Variants in AGK observed in about 807,000 individuals in gnomAD.
AGK encodes acylglycerol kinase, mitochondrial.
Under a neutral mutation model 66.4 loss-of-function variants are expected in AGK, and 52 were observed. That is an observed-to-expected ratio of 0.78 (90% confidence interval 0.63 to 0.99). The LOEUF (loss-of-function observed/expected upper bound fraction) is 0.99. Ranked by LOEUF, AGK falls within the 50% of genes least tolerant of loss-of-function variation. The pLI is 0.00. For synonymous variants in AGK, 182 were observed against 181.1 expected (o/e 1.00, Z -0.04); for missense variants, 451 against 506.6 (o/e 0.89, Z 1.05).
intron 11 of AGK, 106 bp downstream of exon 11, chr7:141,637,123 C>A: frequency 2.4e-6 from 2 of 829,328 alleles, no homozygotes; most frequent in East Asian, 2.6e-5. Flanking sequence ...ATGAATGTGG[C>A]ATGCTTCAAC....
intron 2 of AGK, among the ~76,000 whole-genome samples, chr7:141,557,269 G>A (rs1033292108): frequency 2.0e-5 from 3 of 152,176 alleles, no homozygotes; most frequent in Non-Finnish European, 4.4e-5. Flanking sequence ...CTTTCTAAGT[G>A]TTGTCAAGGC....
In AGK at chr7:141,653,062, C is replaced by T. The variant is rs1797604156; in HGVS notation, c.*138C>T. 1 of 954,684 alleles carries T rather than the reference C, an allele frequency of 1.0e-6. No individual in the cohort carries two copies. Among genetic ancestry groups the T allele is most frequent in the African/African-American group, 1.6e-5 (1 of 60,982 alleles). The allele number at this position is 954,684 out of a possible 1,614,324, so 59.1% of individuals were successfully genotyped here. A position where few individuals can be genotyped will look rare whatever the true frequency, so the allele number is the denominator to read the frequency against. On this transcript the variant is annotated 3_prime_UTR_variant, in exon 16 of 16. Coordinates refer to ENST00000649286, the MANE Select transcript of AGK (RefSeq NM_018238.4). ...CATGGCAAGTACCCCTCTGCCCCCACTCCAGCAGTGCTTCCCAAAGTGTGC... is the reference window on the plus strand; with the variant it reads ...CATGGCAAGTACCCCTCTGCCCCCATTCCAGCAGTGCTTCCCAAAGTGTGC...
intron 9 of AGK, among the ~76,000 whole-genome samples, chr7:141,630,971 C>T (rs1358546335): frequency 6.6e-6 from 1 of 152,108 alleles, no homozygotes; most frequent in Non-Finnish European, 1.5e-5. Context: ...ACTCCCAGCA[C>T]CATGCTTGGC....
At chr7:141,590,518 G>T (rs140432156) in intron 2 of AGK, among the ~76,000 whole-genome samples, 1 of 152,148 alleles carries the variant, frequency 6.6e-6, no homozygotes. Flanking sequence ...TGGACTAGGG[G>T]TCAGCACAGT....
At chr7:141,638,610 A>G (rs1302789414) in intron 11 of AGK, among the ~76,000 whole-genome samples, 1 of 152,180 alleles carries the variant, frequency 6.6e-6, no homozygotes, top group African/African-American at 2.4e-5. Flanking sequence ...GAAGTGACGT[A>G]TAGACTAAGG....
chr7:141,639,932 G>A (rs1797252243), intron 11 of AGK, among the ~76,000 whole-genome samples: 1 of 152,160 alleles, frequency 6.6e-6, no homozygotes, highest in Non-Finnish European at 1.5e-5. Context: ...AAAGACACAG[G>A]AAAGCCAAGA....
intron 1 of AGK, among the ~76,000 whole-genome samples, chr7:141,551,956 A>T (rs1795099479): frequency 6.6e-6 from 1 of 152,106 alleles, no homozygotes; most frequent in Non-Finnish European, 1.5e-5. Context: ...GTATCTCCTA[A>T]ACCGCACTAC....
At position 141,621,750 on chromosome 7, in the gene AGK, A is replaced by T; in HGVS notation, c.537A>T (p.Thr179=). The change falls in exon 9 of 16, where the codon ACA becomes ACT. Residue 179 remains threonine, a synonymous_variant. Transcript: ENST00000649286. ...GNKVQHITDA[T]LAIVKGETVP... ...CTTTTAGACATATTACTGATGCCAC[A>T]CTTGCCATTGTGAAAGGAGAGACAG... 1 of 1,613,584 alleles carries T rather than the reference A, an allele frequency of 6.2e-7. No individual in the cohort carries two copies. The highest frequency in any genetic ancestry group is 8.5e-7 in the Non-Finnish European group (1 of 1,179,682).
chr7:141,565,188 G>A (rs890628412), intron 2 of AGK, among the ~76,000 whole-genome samples: 2 of 152,030 alleles, frequency 1.3e-5, no homozygotes, highest in Non-Finnish European at 2.9e-5. Flanking sequence ...CCAGATTTTT[G>A]TCTCTATAAA....
At chr7:141,556,309 G>A (rs1391746828) in intron 2 of AGK, among the ~76,000 whole-genome samples, 1 of 152,116 alleles carries the variant, frequency 6.6e-6, no homozygotes, top group African/African-American at 2.4e-5. Flanking sequence ...CACTATGGGA[G>A]GCTGAGGCAG....
chr7:141,551,841 T>C (rs1795095613), intron 1 of AGK, among the ~76,000 whole-genome samples: 1 of 152,176 alleles, frequency 6.6e-6, no homozygotes, highest in Non-Finnish European at 1.5e-5. Context: ...GGCGCTTTAC[T>C]AGGTTCTGGT....
intron 10 of AGK, among the ~76,000 whole-genome samples, chr7:141,634,535 C>T (rs1797129268): frequency 6.6e-6 from 1 of 152,178 alleles, no homozygotes; most frequent in Admixed American, 6.5e-5. Flanking sequence ...GTTGGCTTTT[C>T]ATGAGAATTG....
chr7:141,591,224 T>C (rs540826922), intron 2 of AGK, among the ~76,000 whole-genome samples: 1 of 151,096 alleles, frequency 6.6e-6, no homozygotes, highest in Non-Finnish European at 1.5e-5. Flanking sequence ...TCCCGAGTAG[T>C]TGGGATTACA....
chr7:141,639,634 T>C (rs1248815657), intron 11 of AGK, among the ~76,000 whole-genome samples: 1 of 152,154 alleles, frequency 6.6e-6, no homozygotes, highest in East Asian at 1.9e-4. Context: ...CACTGAAGTG[T>C]AGGAAGCAAA....
At chr7:141,551,787 A>G (rs1247301725) in intron 1 of AGK, among the ~76,000 whole-genome samples, 2 of 152,148 alleles carry the variant, frequency 1.3e-5, no homozygotes, top group African/African-American at 4.8e-5. Flanking sequence ...AAATGGGGCC[A>G]ATAGTATCAG....
chr7:141,616,139 A>G (rs1015729691), intron 8 of AGK: 2 of 152,198 alleles, frequency 1.3e-5, no homozygotes, highest in East Asian at 3.8e-4. Flanking sequence ...AATTGTTGTT[A>G]TTATTGTTCT....
intron 2 of AGK, among the ~76,000 whole-genome samples, chr7:141,567,321 G>A (rs1587068491): frequency 6.6e-6 from 1 of 152,240 alleles, no homozygotes; most frequent in East Asian, 1.9e-4. Flanking sequence ...GTGAAAAATT[G>A]CATATTTTAA....
intron 15 of AGK, 106 bp from the exon 16 acceptor site, chr7:141,652,681 G>A (rs1472418229): frequency 1.6e-6 from 2 of 1,214,358 alleles, no homozygotes; most frequent in Non-Finnish European, 2.4e-6. Context: ...CCTCAAGAGA[G>A]GATGTTGTTT....
rs780164129 is a variant in AGK at position 141,596,594 on chromosome 7, A to G, written c.174A>G (p.Ala58=). The G allele has an allele frequency of 3.2e-5, 52 of 1,613,930 alleles. No individual in the cohort carries two copies. The highest frequency in any genetic ancestry group is 4.2e-5 in the Non-Finnish European group (49 of 1,179,978). The change falls in exon 4 of 16, where the codon GCA becomes GCG. Residue 58 remains alanine, a synonymous_variant. Transcript: ENST00000649286. Reference sequence around the variant, plus strand: ...GCAATCAACTCATTCCTCCCAATGCACAAGTGAAGAAGGCCACTGTTTTTC... The same window carrying G: ...GCAATCAACTCATTCCTCCCAATGCGCAAGTGAAGAAGGCCACTGTTTTTC... ...VFGNQLIPPN[A]QVKKATVFLN...
Sources: gnomAD v4.1 joint callset for allele counts (sites outside exome capture counted in the v4.1 genomes callset) on GRCh38, gnomAD v4.1.1 for gene constraint, MANE v1.5 for transcripts, NCBI Gene and HGNC (gene_info 2026-07-23, HGNC 2026-07-21) for gene names.